The following RERE variants were observed in gnomAD, a reference collection of about 807,000 sequenced individuals.
RERE encodes arginine-glutamic acid dipeptide repeats protein.
Under a neutral mutation model 146.1 loss-of-function variants are expected in RERE, and 40 were observed. That is an observed-to-expected ratio of 0.27 (90% confidence interval 0.21 to 0.36). The LOEUF (loss-of-function observed/expected upper bound fraction) is 0.36, where lower values mean the gene tolerates loss of function less well. Ranked by LOEUF, RERE falls within the 10% of genes least tolerant of loss-of-function variation. RERE has a pLI of 1.00. For synonymous variants in RERE, 1,003 were observed against 866.0 expected, an observed-to-expected ratio of 1.16 and a Z score of -2.78; for missense variants, 1,933 against 2,138.7, an observed-to-expected ratio of 0.90 and a Z score of 1.90.
intron 1 of RERE, among the ~76,000 whole-genome samples, chr1:8,793,714 T>C (rs1641411223): frequency 6.6e-6 from 1 of 152,208 alleles, no homozygotes; most frequent in Admixed American, 6.5e-5. Flanking sequence ...ATATTAACTG[T>C]TCTAATTACA....
intron 11 of RERE, chr1:8,430,081 G>T (rs1200847503): frequency 6.6e-6 from 1 of 152,208 alleles, no homozygotes; most frequent in Non-Finnish European, 1.5e-5. Flanking sequence ...ATAAACCACT[G>T]GATGAGAACT....
chr1:8,563,030 G>A (rs1646097625), intron 4 of RERE, among the ~76,000 whole-genome samples: 1 of 152,092 alleles, frequency 6.6e-6, no homozygotes, highest in Admixed American at 6.6e-5. Flanking sequence ...CGGTAGACTA[G>A]GGGAAAAGGA....
chr1:8,440,424 T>TA (rs1644230411), intron 11 of RERE, among the ~76,000 whole-genome samples: 2 of 148,670 alleles, frequency 1.3e-5, no homozygotes, highest in South Asian at 4.3e-4. Flanking sequence ...ACCCTGTCTC[T>TA]ACTAAAAATA....
At chr1:8,467,011 T>G (rs913773037) in intron 10 of RERE, among the ~76,000 whole-genome samples, 5 of 152,234 alleles carry the variant, frequency 3.3e-5, no homozygotes, top group Admixed American at 2.0e-4. Flanking sequence ...TCTAGTCTTC[T>G]TACACAAAGA....
chr1:8,395,335 C>T (rs754319669), intron 12 of RERE, among the ~76,000 whole-genome samples: 2 of 151,824 alleles, frequency 1.3e-5, no homozygotes, highest in Admixed American at 6.6e-5. Context: ...ATTAGCCGGG[C>T]GTGGTGGCAC....
chr1:8,358,340 C>T lies in RERE; in HGVS notation c.4195G>A (p.Glu1399Lys). ...GCCATGCGCTCTGCGTGGATACGCT[C>T]GGCTGCCAGTCTGTCAGGGTAGCTC... is the stretch of plus-strand genomic sequence containing the variant. ...EMSYPDRLAA[E>K]RIHAERMASL... is the part of the protein sequence containing the mutation. The change falls in exon 20 of 23, where the codon GAG becomes AAG. Residue 1399 changes from glutamate to lysine, a missense_variant. This residue lies in a region of RERE where 47 missense variants were observed against 58.6 expected (regional missense o/e 0.80). Coordinates refer to ENST00000400908, the MANE Select transcript of RERE (RefSeq NM_001042681.2). 1.2e-6 allele frequency: 2 copies of T among 1,612,440 alleles called. No homozygotes were observed. The highest frequency in any genetic ancestry group is 1.7e-6 in the Non-Finnish European group (2 of 1,179,450).
intron 1 of RERE, among the ~76,000 whole-genome samples, chr1:8,772,262 T>C (rs1192468040): frequency 6.6e-6 from 1 of 152,128 alleles, no homozygotes; most frequent in African/African-American, 2.4e-5. Flanking sequence ...AACCTGTCAC[T>C]ACACTGGACT....
intron 4 of RERE, among the ~76,000 whole-genome samples, chr1:8,574,942 A>G (rs529620524): frequency 6.6e-6 from 1 of 152,368 alleles, no homozygotes; most frequent in Non-Finnish European, 1.5e-5. Flanking sequence ...AATTTATGAA[A>G]TTAAAAATTA....
chr1:8,377,833 A>T (rs1642311421), intron 12 of RERE, among the ~76,000 whole-genome samples: 1 of 152,200 alleles, frequency 6.6e-6, no homozygotes, highest in African/African-American at 2.4e-5. Context: ...GAAAGGGATC[A>T]TCAGTTATAT....
At chr1:8,785,613 A>G (rs1161060442) in intron 1 of RERE, among the ~76,000 whole-genome samples, 2 of 152,140 alleles carry the variant, frequency 1.3e-5, no homozygotes, top group Non-Finnish European at 2.9e-5. Flanking sequence ...TAATTAACTC[A>G]TAATTTGCCT....
In RERE at chr1:8,817,258, G is replaced by T. The variant is rs1012240848; in HGVS notation, c.-243C>A. 1 of 152,322 alleles carries T rather than the reference G, an allele frequency of 6.6e-6. No homozygotes were observed. Among genetic ancestry groups the T allele is most frequent in the Non-Finnish European group, 1.5e-5 (1 of 68,432 alleles). 9.4% of individuals were successfully genotyped at this position (152,322 alleles called of 1,614,324 possible). A position where few individuals can be genotyped will look rare whatever the true frequency, so the allele number is the denominator to read the frequency against. ...GCGGGAGGCCGCGCGGAGGCTGCGG[G>T]GCCGCGGGGCGCAGGGCCGAGAGGG... On this transcript the variant is annotated 5_prime_UTR_variant, in exon 1 of 23. Transcript: ENST00000400908.
Position 8,501,804 on chromosome 1 carries a change from T to G in RERE, c.880-4275A>C, listed in dbSNP as rs867556507. On this transcript the variant is annotated intron_variant, in intron 8 of 22. Transcript: ENST00000400908. ...CTGGCCAGCCGCCCCGACCGGGAGG[T>G]GAGGGGCGCCTCTGCCCGGCTGCCC... is the stretch of plus-strand genomic sequence containing the variant. Among the ~76,000 whole-genome samples, 447 of 91,780 alleles carry G rather than the reference T, an allele frequency of 4.9e-3. 12 individuals are homozygous for G. Among genetic ancestry groups the G allele is most frequent in the African/African-American group, 0.018 (431 of 23,472 alleles). 60.2% of individuals were successfully genotyped at this position (91,780 alleles called of 152,430 possible). A position where few individuals can be genotyped will look rare whatever the true frequency, so the allele number is the denominator to read the frequency against.
At chr1:8,621,803 T>G (rs1416113991) in intron 3 of RERE, among the ~76,000 whole-genome samples, 1 of 152,216 alleles carries the variant, frequency 6.6e-6, no homozygotes, top group Non-Finnish European at 1.5e-5. Flanking sequence ...CTGCTCATCT[T>G]TTACCCTTAT....
chr1:8,713,017 AG>A (rs1639698442), intron 1 of RERE, among the ~76,000 whole-genome samples: 1 of 152,232 alleles, frequency 6.6e-6, no homozygotes, highest in South Asian at 2.1e-4. Context: ...AAGGCCAAAA[AG>A]GTACTCATAT....
chr1:8,608,853 A>C (rs1449191492), intron 4 of RERE, among the ~76,000 whole-genome samples: 1 of 152,242 alleles, frequency 6.6e-6, no homozygotes, highest in African/African-American at 2.4e-5. Flanking sequence ...TGGGAACCCA[A>C]GGCGGGAAGA....
chr1:8,803,126 T>C (rs531909248), intron 1 of RERE, among the ~76,000 whole-genome samples: 1 of 152,290 alleles, frequency 6.6e-6, no homozygotes, highest in South Asian at 2.1e-4. Context: ...TGAGGCAAAA[T>C]ATGACGTTCA....
chr1:8,603,245 A>C (rs1646656083), intron 4 of RERE, among the ~76,000 whole-genome samples: 1 of 152,280 alleles, frequency 6.6e-6, no homozygotes, highest in Admixed American at 6.5e-5. Flanking sequence ...AATTATCACA[A>C]GCTGGTAAAT....
At chr1:8,586,722 A>G (rs1646432284) in intron 4 of RERE, among the ~76,000 whole-genome samples, 1 of 152,206 alleles carries the variant, frequency 6.6e-6, no homozygotes, top group South Asian at 2.1e-4. Context: ...TCACAAACTT[A>G]AACATTCCAT....
intron 7 of RERE, among the ~76,000 whole-genome samples, chr1:8,517,605 T>C (rs1300798318): frequency 1.3e-5 from 2 of 152,186 alleles, no homozygotes; most frequent in Non-Finnish European, 2.9e-5. Flanking sequence ...TTTTAGAATA[T>C]GAAAAAAATA....
Sources: allele counts gnomAD v4.1 joint callset (sites outside exome capture counted in the v4.1 genomes callset), GRCh38; gene constraint gnomAD v4.1.1; regional missense constraint gnomAD v4.1.1; transcripts MANE v1.5; gene names NCBI Gene and HGNC (gene_info 2026-07-23, HGNC 2026-07-21).